Variants in ATL2 observed in about 807,000 individuals in gnomAD.
ATL2 encodes atlastin-2.
A neutral mutation model predicts 73.9 loss-of-function variants in ATL2; 31 were observed. The ratio of observed to expected loss-of-function variants is 0.42; its 90% CI spans 0.32 to 0.57. The LOEUF (loss-of-function observed/expected upper bound fraction) is 0.57, where lower values mean the gene tolerates loss of function less well. Ranked by LOEUF, ATL2 falls within the 20% of genes least tolerant of loss-of-function variation. The pLI is 0.14. For synonymous variants in ATL2, 291 were observed against 237.5 expected (o/e 1.23, Z -2.07); for missense variants, 738 against 702.6 (o/e 1.05, Z -0.57).
chr2:38,295,735 A>G lies in ATL2; in HGVS notation c.*259T>C, dbSNP rs1666856120. 1 of 262,618 alleles carries G rather than the reference A, an allele frequency of 3.8e-6. No homozygotes were observed. The highest frequency in any genetic ancestry group is 2.2e-5 in the African/African-American group (1 of 45,028). 16.3% of individuals were successfully genotyped at this position (262,618 alleles called of 1,614,324 possible). ...TTCACTAACATTAGATTAAGTAAAA[A>G]GAAATAAAAGAGTTAAACATGGCAC... On this transcript the variant is annotated 3_prime_UTR_variant, in exon 13 of 13. Coordinates refer to ENST00000378954, the MANE Select transcript of ATL2 (RefSeq NM_001135673.4).
At chr2:38,321,738 G>A (rs912041734) in intron 2 of ATL2, among the ~76,000 whole-genome samples, 17 of 151,592 alleles carry the variant, frequency 1.1e-4, no homozygotes, top group South Asian at 4.2e-4. Context: ...TTTGAGACAG[G>A]GTCTCACTCT....
chr2:38,312,416 G>A (rs1254064691), intron 7 of ATL2, among the ~76,000 whole-genome samples: 1 of 152,148 alleles, frequency 6.6e-6, no homozygotes, highest in Non-Finnish European at 1.5e-5. Flanking sequence ...ATCTTGTGAA[G>A]AAGGTGCTTG....
intron 4 of ATL2, among the ~76,000 whole-genome samples, chr2:38,316,399 A>G (rs1337663627): frequency 6.6e-6 from 1 of 152,242 alleles, no homozygotes; most frequent in African/African-American, 2.4e-5. Flanking sequence ...GGTTGCAAAC[A>G]GCAAACAGAG....
chr2:38,377,415 T>A (rs367921892), upstream of ATL2: 2 of 565,550 alleles, frequency 3.5e-6, no homozygotes, highest in African/African-American at 2.2e-5. Flanking sequence ...CCTCCGCCTG[T>A]ATCTCCTCGC....
At chr2:38,371,814 T>C (rs943251094) in intron 1 of ATL2, among the ~76,000 whole-genome samples, 5 of 151,856 alleles carry the variant, frequency 3.3e-5, no homozygotes, top group African/African-American at 9.7e-5. Flanking sequence ...CAAGAATCGC[T>C]TGAACCCACG....
chr2:38,335,058 T>C (rs533913064), intron 2 of ATL2, among the ~76,000 whole-genome samples: 73 of 147,544 alleles, frequency 4.9e-4, no homozygotes, highest in Non-Finnish European at 7.4e-4. Flanking sequence ...ATCAACAAAA[T>C]ACACATCAGA....
At chr2:38,337,187 G>A (rs377015546) in intron 2 of ATL2, among the ~76,000 whole-genome samples, 8 of 151,514 alleles carry the variant, frequency 5.3e-5, no homozygotes, top group African/African-American at 1.7e-4. Context: ...AAACAAAAAC[G>A]AAAAGCAGTT....
rs778821586 is a variant in ATL2, at chr2:38,352,133, C to CAAAAA, written c.119-8626_119-8622dup. ...TTCAAAAACAAACAAAAACAACAACCAAAAAAAAAAAAAAAAAAAAAAAAA... is the reference window on the plus strand; with the variant it reads ...TTCAAAAACAAACAAAAACAACAACCAAAAAAAAAAAAAAAAAAAAAAAAAAAAAA... On this transcript the variant is annotated intron_variant, in intron 1 of 12. Transcript: ENST00000378954. 3.3e-3 allele frequency among the ~76,000 whole-genome samples: 106 copies of CAAAAA among 31,968 alleles called. 2 individuals are homozygous for CAAAAA. The highest frequency in any genetic ancestry group is 5.7e-3 in the African/African-American group (77 of 13,418). 21.0% of individuals were successfully genotyped at this position (31,968 alleles called of 152,430 possible).
intron 12 of ATL2, among the ~76,000 whole-genome samples, chr2:38,297,659 G>C (rs1402353219): frequency 6.6e-6 from 1 of 152,166 alleles, no homozygotes; most frequent in East Asian, 1.9e-4. Flanking sequence ...CTACGGGATT[G>C]TTCCTCATAG....
chr2:38,349,357 G>GT (rs1268262771), intron 1 of ATL2, among the ~76,000 whole-genome samples: 1 of 151,512 alleles, frequency 6.6e-6, no homozygotes, highest in Non-Finnish European at 1.5e-5. Flanking sequence ...AAAATGATGA[G>GT]TTCATGTCCT....
At chr2:38,339,012 T>G (rs752224744) in intron 2 of ATL2, among the ~76,000 whole-genome samples, 88 of 152,060 alleles carry the variant, frequency 5.8e-4, no homozygotes, top group Non-Finnish European at 2.2e-4. Flanking sequence ...GGTCAGGAGT[T>G]TGAGACCAGC....
chr2:38,358,181 C>T (rs1159925314), intron 1 of ATL2, among the ~76,000 whole-genome samples: 2 of 152,122 alleles, frequency 1.3e-5, no homozygotes, highest in African/African-American at 2.4e-5. Context: ...AAGTGTCATT[C>T]ATTTAATTCT....
In ATL2 at chr2:38,330,228, A is replaced by AC. The variant is rs563429942; in HGVS notation, c.364-11210_364-11209insG. On this transcript the variant is annotated intron_variant, in intron 2 of 12. Coordinates refer to ENST00000378954, the MANE Select transcript of ATL2 (RefSeq NM_001135673.4). ...TTCATTCAGGATTTAAAAAAAAAAA[A>AC]AAAACTCCCAGCACACTAGGAATAA... Among the ~76,000 whole-genome samples, 379 of 151,798 alleles carry AC rather than the reference A, an allele frequency of 2.5e-3. 5 individuals carry two copies. Among genetic ancestry groups the AC allele is most frequent in the African/African-American group, 8.2e-3 (339 of 41,462 alleles).
At chr2:38,345,556 G>C (rs1669970139) in intron 1 of ATL2, among the ~76,000 whole-genome samples, 1 of 152,126 alleles carries the variant, frequency 6.6e-6, no homozygotes, top group African/African-American at 2.4e-5. Context: ...GAGAATCTTT[G>C]AAAGTAAAAG....
chr2:38,337,486 C>CCAAAAA (rs1669432768), intron 2 of ATL2, among the ~76,000 whole-genome samples: 1 of 21,638 alleles, frequency 4.6e-5, no homozygotes, highest in Non-Finnish European at 8.6e-5. Flanking sequence ...ACTCTGTCTC[C>CCAAAAA]AAAAAAAAAA....
intron 1 of ATL2, chr2:38,376,301 C>A (rs765452282): frequency 1.5e-6 from 2 of 1,318,194 alleles, no homozygotes; most frequent in Non-Finnish European, 2.0e-6. Flanking sequence ...AACGCAACTG[C>A]GTCTTCGAGG....
In ATL2 at chr2:38,294,833, T is replaced by C. The variant is rs551408647; in HGVS notation, c.*1161A>G. 13 of 152,118 alleles carry C rather than the reference T, an allele frequency of 8.5e-5. No individual in the cohort carries two copies. The highest frequency in any genetic ancestry group is 1.5e-4 in the Non-Finnish European group (10 of 68,016). The allele number at this position is 152,118 out of a possible 1,614,324, so 9.4% of individuals were successfully genotyped here. On this transcript the variant is annotated 3_prime_UTR_variant, in exon 13 of 13. Transcript: ENST00000378954. ...TTTCACTATAAACAAATGTGGTTTA[T>C]GAAGTGGAATACATACTTGAAAAAT...
Position 38,377,264 on chromosome 2 carries a change from G to A in ATL2, c.-4C>T. ...CTGCCTCGTCCCCCTCCGCCATCTT[G>A]TACCGATTTAAAATTAACTCCCCAC... On this transcript the variant is annotated 5_prime_UTR_variant, in exon 1 of 13. Transcript: ENST00000378954. 2.6e-6 allele frequency: 4 copies of A among 1,568,386 alleles called. No homozygotes were observed. The highest frequency in any genetic ancestry group is 3.5e-6 in the Non-Finnish European group (4 of 1,156,986).
At chr2:38,311,147 C>A (rs1015094847) in intron 7 of ATL2, among the ~76,000 whole-genome samples, 2 of 151,314 alleles carry the variant, frequency 1.3e-5, no homozygotes, top group Non-Finnish European at 2.9e-5. Flanking sequence ...AATTTGCCTA[C>A]AAATAAAAAG....
Sources: gnomAD v4.1 joint callset for allele counts (sites outside exome capture counted in the v4.1 genomes callset) on GRCh38, gnomAD v4.1.1 for gene constraint, MANE v1.5 for transcripts, NCBI Gene and HGNC (gene_info 2026-07-23, HGNC 2026-07-21) for gene names.